SAMD3: variants seen among roughly 807,000 people sequenced by gnomAD.
The protein encoded by SAMD3 is sterile alpha motif domain containing 3, also known as sterile alpha motif domain-containing protein 3.
In SAMD3, 63 loss-of-function variants were observed where a neutral mutation model predicts 58.5. That is an observed-to-expected ratio of 1.08 (90% CI 0.88 to 1.33). The LOEUF is 1.33. SAMD3 is among the 40% of genes most tolerant of loss of function. The probability of loss-of-function intolerance (pLI) is 0.00; values close to 1 mark genes in which losing one functional copy is unlikely to be tolerated. For synonymous variants in SAMD3, 220 were observed against 210.3 expected, an observed-to-expected ratio of 1.05 and a Z score of -0.40; for missense variants, 604 against 608.4, an observed-to-expected ratio of 0.99 and a Z score of 0.08.
At chr6:130,357,282 G>A (rs1260460731) in intron 1 of SAMD3, among the ~76,000 whole-genome samples, 3 of 151,812 alleles carry the variant, frequency 2.0e-5, no homozygotes, top group East Asian at 1.9e-4. Flanking sequence ...CCACCACCAC[G>A]CCAGGCTAAT....
chr6:130,311,572 G>T (rs916285206), intron 2 of SAMD3, among the ~76,000 whole-genome samples: 6 of 152,200 alleles, frequency 3.9e-5, no homozygotes, highest in Admixed American at 3.9e-4. Flanking sequence ...AATTTGTGAA[G>T]ACATCTGCCA....
chr6:130,168,370 G>A (rs1790915794), intron 8 of SAMD3, among the ~76,000 whole-genome samples: 1 of 152,104 alleles, frequency 6.6e-6, no homozygotes, highest in Non-Finnish European at 1.5e-5. Context: ...AGGAGGCAGA[G>A]GTTGCAGTGA....
intron 8 of SAMD3, chr6:130,160,807 A>G (rs1344808219): frequency 6.6e-6 from 1 of 152,208 alleles, no homozygotes. Context: ...GAAGCCAAGG[A>G]GTTTCAAATG....
At chr6:130,189,293 C>T (rs892013302) in intron 5 of SAMD3, among the ~76,000 whole-genome samples, 2 of 151,990 alleles carry the variant, frequency 1.3e-5, no homozygotes, top group Non-Finnish European at 2.9e-5. Context: ...GATTGGTATT[C>T]TTAAAAGATC....
At chr6:130,154,792 ATG>A (rs749905239) in intron 9 of SAMD3, 31 bp downstream of exon 9, 83 of 1,182,258 alleles carry the variant, frequency 7.0e-5, no homozygotes, top group Middle Eastern at 5.9e-4. Context: ...ATACATATAT[ATG>A]TGTGTGTATA....
chr6:130,144,947 C>G, intron 11 of SAMD3, 143 bp from the exon 12 acceptor site: 1 of 873,268 alleles, frequency 1.1e-6, no homozygotes, highest in Non-Finnish European at 1.7e-6. Flanking sequence ...TCAAAATAGA[C>G]CACCAACTTT....
intron 2 of SAMD3, among the ~76,000 whole-genome samples, chr6:130,287,110 G>A (rs9492525): frequency 0.2 from 30,968 of 152,044 alleles, 9,243 homozygotes; most frequent in African/African-American, 0.66. Context: ...CTTGGCTCCA[G>A]TTTTTTTCTT....
chr6:130,220,036 C>G (rs967468679), intron 1 of SAMD3, among the ~76,000 whole-genome samples: 2 of 152,170 alleles, frequency 1.3e-5, no homozygotes, highest in Non-Finnish European at 2.9e-5. Context: ...GAGTCTCGCT[C>G]TGTCATCCAG....
chr6:130,258,156 A>G lies in SAMD3; in HGVS notation c.-187-35343T>C, dbSNP rs144246362. On this transcript the variant is annotated intron_variant, in intron 2 of 13. Transcript: ENST00000368134. The stretch of plus-strand genomic sequence containing the variant: ...AATAAGCTGTTTTGAACATTCTTGT[A>G]TGTATCTTTTGATCTATTATGTTTG... Among the ~76,000 whole-genome samples the G allele has an allele frequency of 1.3e-3, 194 of 152,222 alleles. 1 individual carries two copies. Among genetic ancestry groups the G allele is most frequent in the African/African-American group, 4.5e-3 (189 of 41,550 alleles).
At chr6:130,222,125 G>T (rs186634290) in intron 1 of SAMD3, among the ~76,000 whole-genome samples, 3 of 152,216 alleles carry the variant, frequency 2.0e-5, no homozygotes, top group Non-Finnish European at 4.4e-5. Flanking sequence ...TGCTTGTAAA[G>T]GTAAAAGTGA....
At chr6:130,204,399 A>G (rs975230667) in intron 5 of SAMD3, among the ~76,000 whole-genome samples, 19 of 152,130 alleles carry the variant, frequency 1.2e-4, no homozygotes, top group Admixed American at 1.2e-3. Context: ...AGAGCACAGT[A>G]TCTTCATGAC....
At chr6:130,301,393 C>T (rs1430375739) in intron 2 of SAMD3, among the ~76,000 whole-genome samples, 1 of 152,102 alleles carries the variant, frequency 6.6e-6, no homozygotes, top group African/African-American at 2.4e-5. Flanking sequence ...AAGATCTTTA[C>T]AAGGAGAACT....
At chr6:130,340,073 T>C (rs1777222558) in intron 1 of SAMD3, among the ~76,000 whole-genome samples, 1 of 152,210 alleles carries the variant, frequency 6.6e-6, no homozygotes, top group Admixed American at 6.5e-5. Context: ...GGACCATGAC[T>C]TACATCTAAT....
chr6:130,250,714 C>G (rs1773709459), intron 2 of SAMD3, among the ~76,000 whole-genome samples: 1 of 152,156 alleles, frequency 6.6e-6, no homozygotes, highest in South Asian at 2.1e-4. Context: ...TGTCTGCCAT[C>G]TTTCTCCTAA....
chr6:130,153,647 C>CACATATATATATATAT (rs1789421119), intron 9 of SAMD3, among the ~76,000 whole-genome samples: 1 of 96,702 alleles, frequency 1.0e-5, no homozygotes, highest in African/African-American at 3.2e-5. Context: ...CATTAAATTT[C>CACATATATATATATAT]ATATATATAT....
At chr6:130,257,064 T>C (rs1447422615) in intron 2 of SAMD3, among the ~76,000 whole-genome samples, 5 of 152,166 alleles carry the variant, frequency 3.3e-5, no homozygotes, top group Admixed American at 2.6e-4. Flanking sequence ...AGAAGAGTTC[T>C]TTAAGAGACA....
At chr6:130,210,216 CCTAA>C (rs1290871567) in intron 4 of SAMD3, among the ~76,000 whole-genome samples, 3 of 152,290 alleles carry the variant, frequency 2.0e-5, no homozygotes, top group Non-Finnish European at 2.9e-5. Flanking sequence ...TGCAAATATG[CCTAA>C]CTATTTCATA....
At chr6:130,356,722 T>G (rs1012328176) in intron 1 of SAMD3, among the ~76,000 whole-genome samples, 2 of 152,238 alleles carry the variant, frequency 1.3e-5, no homozygotes, top group African/African-American at 4.8e-5. Flanking sequence ...TCCTTTTTTC[T>G]CTGAGGGTGG....
At chr6:130,179,900 T>C (rs2326968) in intron 7 of SAMD3, among the ~76,000 whole-genome samples, 132,647 of 149,084 alleles carry the variant, frequency 0.89, 59,178 homozygotes, top group East Asian at 0.98. Context: ...CTGCAACCTC[T>C]GCCTCCTGGG....
Sources: gnomAD v4.1 joint callset for allele counts (sites outside exome capture counted in the v4.1 genomes callset) on GRCh38, gnomAD v4.1.1 for gene constraint, MANE v1.5 for transcripts, NCBI Gene and HGNC (gene_info 2026-07-23, HGNC 2026-07-21) for gene names.